The following KDM3A variants were observed in gnomAD, a reference collection of about 807,000 sequenced individuals.
The protein encoded by KDM3A is lysine demethylase 3A, also known as lysine-specific demethylase 3A.
KDM3A carries 60 observed loss-of-function variants against 158.0 expected under a neutral mutation model. The ratio of observed to expected loss-of-function variants is 0.38; its 90% CI spans 0.31 to 0.47. The LOEUF (loss-of-function observed/expected upper bound fraction) is 0.47. KDM3A is among the 20% of genes least tolerant of loss of function. The pLI, the probability that KDM3A is intolerant of heterozygous loss-of-function variation, is 0.99. For missense variants in KDM3A, 1,319 were observed against 1,574.3 expected (o/e 0.84, Z 2.74); for synonymous variants, 608 against 549.3 (o/e 1.11, Z -1.49).
rs567443572 is a variant in KDM3A, at chr2:86,464,128, G to A, written c.919G>A (p.Ala307Thr). ...FKEILLGCTA[A>T]TPPSKDPRQQ... Reference sequence around the variant, plus strand: ...GGAGATACTGCTTGGCTGTACTGCGGCAACTCCACCTAGTAAGGACCCAAG... The same window carrying A: ...GGAGATACTGCTTGGCTGTACTGCGACAACTCCACCTAGTAAGGACCCAAG... Residue 307 changes from alanine to threonine, a missense_variant, in exon 9 of 26, where the codon GCA (alanine) becomes ACA (threonine). Ala to Thr is a moderately conservative substitution (Grantham distance 58). Transcript: ENST00000312912. 55 of 1,612,840 alleles carry A rather than the reference G, an allele frequency of 3.4e-5. No homozygotes were observed. The South Asian group carries it at 5.7e-4, about 17-fold the overall frequency.
chr2:86,469,047 A>G (rs1447329634), intron 10 of KDM3A, among the ~76,000 whole-genome samples: 1 of 152,076 alleles, frequency 6.6e-6, no homozygotes, highest in Admixed American at 6.6e-5. Flanking sequence ...TTGAACTACT[A>G]ATCTCTTTAT....
Position 86,470,377 on chromosome 2 carries a change from C to T in KDM3A, c.1693C>T (p.Pro565Ser), listed in dbSNP as rs764857150. 22 of 1,613,872 alleles carry T rather than the reference C, an allele frequency of 1.4e-5. No homozygotes were observed. Among genetic ancestry groups the T allele is most frequent in the Non-Finnish European group, 1.9e-5 (22 of 1,179,944 alleles). ...RKDKEQQKDS[P>S]VFCRFFHFRR... ...GGATAAGGAGCAACAGAAGGACTCACCTGTGTTTTGCCGCTTCTTTCACTT... is the reference window on the plus strand; with the variant it reads ...GGATAAGGAGCAACAGAAGGACTCATCTGTGTTTTGCCGCTTCTTTCACTT... Residue 565 changes from proline (P) to serine (S), a missense_variant, in exon 11 of 26, where the codon CCT becomes TCT. Transcript: ENST00000312912.
intron 8 of KDM3A, among the ~76,000 whole-genome samples, chr2:86,461,394 G>C (rs1201760424): frequency 1.4e-4 from 22 of 152,098 alleles, no homozygotes; most frequent in Non-Finnish European, 2.9e-5. Flanking sequence ...TGTCACTTCA[G>C]GTAACTCATA....
intron 16 of KDM3A, 86 bp downstream of exon 16, chr2:86,480,448 G>A: frequency 8.4e-7 from 1 of 1,196,874 alleles, no homozygotes; most frequent in Non-Finnish European, 1.2e-6. Context: ...TAGAAGTCGT[G>A]TGGAATGGAA....
At chr2:86,476,280 C>T (rs1673655305) in intron 12 of KDM3A, among the ~76,000 whole-genome samples, 1 of 152,140 alleles carries the variant, frequency 6.6e-6, no homozygotes, top group Non-Finnish European at 1.5e-5. Flanking sequence ...TGGCTTTGCT[C>T]CTGAATCAGC....
chr2:86,481,944 A>G lies in KDM3A; in HGVS notation c.2527A>G (p.Met843Val), dbSNP rs150575235. 3.4e-5 allele frequency: 54 copies of G among 1,609,914 alleles called. No individual in the cohort carries two copies. The highest frequency in any genetic ancestry group is 4.1e-5 in the Non-Finnish European group (48 of 1,178,508). ...TTTTATTTTAGAAAAACAACCAACA[A>G]TGCCAATTTTAAAGAATGAAATCAA... ...NKENKEKQPT[M>V]PILKNEIKCL... Residue 843 changes from methionine (M) to valine (V), a missense_variant, in exon 17 of 26, where the codon ATG (methionine) becomes GTG (valine). This residue lies in a region of KDM3A where 368 missense variants were observed against 415.8 expected (regional missense o/e 0.89). Coordinates refer to ENST00000312912, the MANE Select transcript of KDM3A (RefSeq NM_018433.6).
upstream of KDM3A, among the ~76,000 whole-genome samples, chr2:86,437,583 ATATATT>A (rs1682511633): frequency 6.6e-6 from 1 of 151,940 alleles, no homozygotes; most frequent in Non-Finnish European, 1.5e-5. Flanking sequence ...TTCATTACTT[ATATATT>A]TATGTCTTGA....
intron 2 of KDM3A, among the ~76,000 whole-genome samples, chr2:86,449,328 A>G (rs760135267): frequency 3.9e-5 from 6 of 152,198 alleles, no homozygotes; most frequent in Non-Finnish European, 8.8e-5. Flanking sequence ...CTTGTGCTAA[A>G]TTTACTCATT....
chr2:86,451,165 A>G lies in KDM3A; in HGVS notation c.405A>G (p.Gly135=). ...CCATAACTTCTGTTCGCTTTCTGGG[A>G]GATCAACAAAGAGTATTTCTTTCTA... ...LGSITSVRFL[G]DQQRVFLSKD... is the part of the protein sequence containing the mutation. Residue 135 remains glycine (G), a synonymous_variant, in exon 4 of 26, where the codon GGA becomes GGG. Coordinates refer to ENST00000312912, the MANE Select transcript of KDM3A (RefSeq NM_018433.6). 1 of 1,612,242 alleles carries G rather than the reference A, an allele frequency of 6.2e-7. No homozygotes were observed. The highest frequency in any genetic ancestry group is 2.2e-5 in the East Asian group (1 of 44,816).
chr2:86,482,322 C>G, intron 17 of KDM3A, 136 bp from the exon 18 acceptor site: 1 of 1,401,846 alleles, frequency 7.1e-7, no homozygotes, highest in Non-Finnish European at 9.7e-7. Context: ...CAAGTGGGGA[C>G]AGGGGACGTA....
intron 2 of KDM3A, chr2:86,442,483 C>T (rs1682773084): frequency 2.4e-6 from 1 of 411,786 alleles, no homozygotes; most frequent in South Asian, 3.2e-5. Flanking sequence ...TCATTAATGC[C>T]GGTGCTGTGT....
intron 18 of KDM3A, 171 bp from the exon 19 acceptor site, chr2:86,483,816 T>A: frequency 1.8e-6 from 1 of 552,284 alleles, no homozygotes; most frequent in South Asian, 2.4e-5. Flanking sequence ...TGGTGAAGGT[T>A]GGAGGTGCTT....
At chr2:86,441,519 C>T (rs1051583809) in intron 1 of KDM3A, 75 bp downstream of exon 1, 1 of 151,144 alleles carries the variant, frequency 6.6e-6, no homozygotes, top group Non-Finnish European at 1.5e-5. Context: ...GCCCCGTCGC[C>T]CGTTGGCAGC....
Position 86,489,583 on chromosome 2 carries a change from GA to G in KDM3A, c.3501del (p.Glu1168ArgfsTer18). The G allele has an allele frequency of 6.2e-7, 1 of 1,614,050 alleles. No individual in the cohort carries two copies. Among genetic ancestry groups the G allele is most frequent in the Non-Finnish European group, 8.5e-7 (1 of 1,179,980 alleles). ...DELTIKRFIE[G>X]KEKPGALWHI... is the part of the protein sequence containing the mutation. ...CTCACAATAAAGCGATTTATTGAAG[GA>G]AAAGAGAAGCCAGGAGCACTGTGGC... On this transcript the variant is annotated frameshift_variant, in exon 23 of 26. Coordinates refer to ENST00000312912, the MANE Select transcript of KDM3A (RefSeq NM_018433.6). LOFTEE classifies it high-confidence loss of function.
Position 86,478,001 on chromosome 2 carries a change from C to T in KDM3A, c.2064C>T (p.Tyr688=). 6.2e-7 allele frequency: 1 copy of T among 1,614,126 alleles called. No individual in the cohort carries two copies. The highest frequency in any genetic ancestry group is 8.5e-7 in the Non-Finnish European group (1 of 1,180,018). ...RCGFGVCVDC[Y]RMKRKNCQQG... ...GGTTTGGAGTATGTGTGGACTGCTA[C>T]CGGATGAAGAGAAAGAATTGCCAAC... Residue 688 remains tyrosine (Y), a synonymous_variant, in exon 13 of 26, where the codon TAC becomes TAT. Transcript: ENST00000312912.
intron 2 of KDM3A, among the ~76,000 whole-genome samples, chr2:86,446,131 T>C (rs1682949433): frequency 6.6e-6 from 1 of 152,216 alleles, no homozygotes; most frequent in African/African-American, 2.4e-5. Context: ...GGGGAAACAT[T>C]GGCTTGAAAA....
chr2:86,468,214 A>G (rs1043219100), intron 10 of KDM3A, among the ~76,000 whole-genome samples: 2 of 152,220 alleles, frequency 1.3e-5, no homozygotes, highest in African/African-American at 4.8e-5. Context: ...TTGCCTAGCA[A>G]TACTTCTAAC....
chr2:86,441,682 T>C (rs1337590227), intron 1 of KDM3A, among the ~76,000 whole-genome samples: 1 of 150,918 alleles, frequency 6.6e-6, no homozygotes, highest in African/African-American at 2.4e-5. Flanking sequence ...ACCGGCTCTC[T>C]GCACCAGGGG....
At chr2:86,459,965 C>T (rs17027263) in intron 8 of KDM3A, among the ~76,000 whole-genome samples, 8,164 of 152,212 alleles carry the variant, frequency 0.054, 335 homozygotes, top group African/African-American at 0.095. Context: ...ATGCTAGTCA[C>T]GTCATTCTAA....
Sources: gnomAD v4.1 joint callset for allele counts (sites outside exome capture counted in the v4.1 genomes callset) on GRCh38, gnomAD v4.1.1 for gene constraint, gnomAD v4.1.1 regional missense constraint, MANE v1.5 for transcripts, NCBI Gene and HGNC (gene_info 2026-07-23, HGNC 2026-07-21) for gene names.